Variants in TRAF3 observed in about 807,000 individuals in gnomAD.
TRAF3 encodes TNF receptor-associated factor 3.
TRAF3 carries 13 observed loss-of-function variants against 62.3 expected under a neutral mutation model. That is an observed-to-expected ratio of 0.21 (90% CI 0.14 to 0.33). The LOEUF (loss-of-function observed/expected upper bound fraction) is 0.33. Among genes scored for constraint, TRAF3 ranks in the 10% least tolerant of loss-of-function variants. The pLI is 1.00. For synonymous variants in TRAF3, 269 were observed against 283.4 expected, an observed-to-expected ratio of 0.95 and a Z score of 0.51; for missense variants, 440 against 741.8, an observed-to-expected ratio of 0.59 and a Z score of 4.73.
At chr14:102,795,067 C>T (rs1897998403) in intron 1 of TRAF3, among the ~76,000 whole-genome samples, 1 of 152,074 alleles carries the variant, frequency 6.6e-6, no homozygotes, top group Non-Finnish European at 1.5e-5. Flanking sequence ...CCTAAAGTTC[C>T]TTTCCTTTAC....
chr14:102,877,998 A>G (rs1888814788), intron 6 of TRAF3, among the ~76,000 whole-genome samples: 1 of 152,246 alleles, frequency 6.6e-6, no homozygotes, highest in Non-Finnish European at 1.5e-5. Flanking sequence ...AATAAATAGC[A>G]CTTTTTATCT....
intron 1 of TRAF3, among the ~76,000 whole-genome samples, chr14:102,797,796 G>A (rs1898180282): frequency 6.7e-6 from 1 of 149,490 alleles, no homozygotes; most frequent in African/African-American, 2.5e-5. Context: ...GAGGTGCAGT[G>A]GCGTGATCTT....
chr14:102,848,291 T>G (rs952695996), intron 2 of TRAF3, among the ~76,000 whole-genome samples: 1 of 151,548 alleles, frequency 6.6e-6, no homozygotes, highest in Non-Finnish European at 1.5e-5. Flanking sequence ...TAACTGGGGG[T>G]GGTGGTGTGT....
intron 9 of TRAF3, 151 bp from the exon 10 acceptor site, chr14:102,897,110 A>T (rs1595407152): frequency 1.4e-6 from 1 of 717,110 alleles, no homozygotes; most frequent in East Asian, 2.8e-5. Context: ...AAGTACCAGG[A>T]CTGTCATTTT....
intron 11 of TRAF3, among the ~76,000 whole-genome samples, chr14:102,904,932 C>G (rs900022611): frequency 6.6e-6 from 1 of 151,576 alleles, no homozygotes; most frequent in Non-Finnish European, 1.5e-5. Flanking sequence ...GCCAACATGG[C>G]GAAACCCTGT....
At chr14:102,882,691 A>G (rs561192647) in intron 6 of TRAF3, among the ~76,000 whole-genome samples, 12 of 151,112 alleles carry the variant, frequency 7.9e-5, no homozygotes, top group African/African-American at 2.9e-4. Flanking sequence ...TAATTCTCCT[A>G]CACTCCCTGT....
intron 3 of TRAF3, among the ~76,000 whole-genome samples, chr14:102,870,920 C>T (rs948818498): frequency 1.3e-5 from 2 of 152,228 alleles, no homozygotes; most frequent in African/African-American, 4.8e-5. Context: ...GGAACATGCA[C>T]CGAGCCCATG....
At chr14:102,840,217 A>G (rs894306258) in intron 2 of TRAF3, among the ~76,000 whole-genome samples, 2 of 152,080 alleles carry the variant, frequency 1.3e-5, no homozygotes, top group Non-Finnish European at 2.9e-5. Context: ...CCATGATGAA[A>G]AACAAAATTA....
chr14:102,827,459 T>G (rs191316963), intron 1 of TRAF3, among the ~76,000 whole-genome samples: 1 of 152,352 alleles, frequency 6.6e-6, no homozygotes, highest in African/African-American at 2.4e-5. Context: ...TCTTTTCATA[T>G]ACACCTTATA....
chr14:102,829,980 A>AAAATAAATAAATAAAT (rs1900573564), intron 1 of TRAF3, among the ~76,000 whole-genome samples: 1 of 152,296 alleles, frequency 6.6e-6, no homozygotes, highest in South Asian at 2.1e-4. Context: ...AAGATAAAAT[A>AAAATAAATAAATAAAT]AAATAAATAA....
intron 10 of TRAF3, 39 bp downstream of exon 10, chr14:102,897,440 G>C (rs1188035836): frequency 1.2e-6 from 2 of 1,610,668 alleles, no homozygotes; most frequent in African/African-American, 2.7e-5. Context: ...AAAGGGTGGA[G>C]GAGCTTGCCT....
intron 10 of TRAF3, among the ~76,000 whole-genome samples, chr14:102,898,864 G>A (rs1416904425): frequency 6.6e-6 from 1 of 152,206 alleles, no homozygotes; most frequent in African/African-American, 2.4e-5. Flanking sequence ...TGAAGCATAA[G>A]TCAGAAAGAA....
At chr14:102,868,714 G>GT (rs1888152137) in intron 2 of TRAF3, among the ~76,000 whole-genome samples, 1 of 152,194 alleles carries the variant, frequency 6.6e-6, no homozygotes, top group African/African-American at 2.4e-5. Flanking sequence ...TGTGCTTTAG[G>GT]TAAGTGTTAG....
intron 6 of TRAF3, among the ~76,000 whole-genome samples, chr14:102,881,723 A>G (rs1889080919): frequency 6.6e-6 from 1 of 152,218 alleles, no homozygotes; most frequent in African/African-American, 2.4e-5. Context: ...CATCTTGCAC[A>G]TGTACCCTGG....
At chr14:102,863,503 T>G (rs1439182916) in intron 2 of TRAF3, among the ~76,000 whole-genome samples, 2 of 152,174 alleles carry the variant, frequency 1.3e-5, no homozygotes, top group Non-Finnish European at 2.9e-5. Context: ...CATTTGACGG[T>G]GATCCCTGAG....
intron 2 of TRAF3, among the ~76,000 whole-genome samples, chr14:102,867,401 G>C (rs1056726242): frequency 7.2e-5 from 11 of 152,122 alleles, no homozygotes; most frequent in African/African-American, 2.7e-4. Context: ...GCCAATTCCT[G>C]GTTCTCTGAT....
chr14:102,841,288 A>G (rs1886358705), intron 2 of TRAF3, among the ~76,000 whole-genome samples: 2 of 152,232 alleles, frequency 1.3e-5, no homozygotes, highest in Admixed American at 1.3e-4. Flanking sequence ...GGCCCCCTTG[A>G]GGCGTTGGCT....
chr14:102,890,970 T>C (rs2139942266), intron 8 of TRAF3, among the ~76,000 whole-genome samples: 1 of 152,310 alleles, frequency 6.6e-6, no homozygotes, highest in Middle Eastern at 3.4e-3. Flanking sequence ...ATGGGAAAAA[T>C]AGCTTATAAT....
chr14:102,907,759 T>C lies in TRAF3; in HGVS notation c.*1975T>C, dbSNP rs1165051978. 6.6e-6 allele frequency: 1 copy of C among 152,348 alleles called. No homozygotes were observed. The highest frequency in any genetic ancestry group is 1.5e-5 in the Non-Finnish European group (1 of 68,146). The allele number at this position is 152,348 out of a possible 1,614,324, so 9.4% of individuals were successfully genotyped here. A position where few individuals can be genotyped will look rare whatever the true frequency, so the allele number is the denominator to read the frequency against. ...TCCGTCGCACCCCTGTGCCCTGAGC[T>C]CCCGTGAGGGGCCCGCCGCGCCCTT... On this transcript the variant is annotated 3_prime_UTR_variant, in exon 12 of 12. Transcript: ENST00000392745.
Sources: allele counts gnomAD v4.1 joint callset (sites outside exome capture counted in the v4.1 genomes callset), GRCh38; gene constraint gnomAD v4.1.1; transcripts MANE v1.5; gene names NCBI Gene and HGNC (gene_info 2026-07-23, HGNC 2026-07-21).